Variants in ZNF589 observed in about 807,000 individuals in gnomAD.
ZNF589 encodes KRAB-zinc finger protein SZF1-1.
Under a neutral mutation model 13.6 loss-of-function variants are expected in ZNF589, and 17 were observed. The observed-to-expected ratio is 1.25, with a 90% CI of 0.86 to 1.88. The LOEUF (loss-of-function observed/expected upper bound fraction) is 1.88. ZNF589 is among the 40% of genes most tolerant of loss of function. The pLI is 0.00. For synonymous variants in ZNF589, 148 were observed against 161.6 expected, an observed-to-expected ratio of 0.92 and a Z score of 0.64; for missense variants, 407 against 434.0, an observed-to-expected ratio of 0.94 and a Z score of 0.55.
At chr3:48,244,529 G>A (rs146559919) in intron 1 of ZNF589, among the ~76,000 whole-genome samples, 2 of 152,242 alleles carry the variant, frequency 1.3e-5, no homozygotes, top group African/African-American at 4.8e-5. Flanking sequence ...GGGCCAGGAT[G>A]ATGGTTTTCT....
At chr3:48,264,402 A>G (rs891305780) in intron 3 of ZNF589, among the ~76,000 whole-genome samples, 2 of 151,994 alleles carry the variant, frequency 1.3e-5, no homozygotes, top group Non-Finnish European at 2.9e-5. Flanking sequence ...GCGAGGTGGC[A>G]CGTGCCTGTA....
chr3:48,261,357 C>T (rs2033968474), intron 3 of ZNF589, among the ~76,000 whole-genome samples: 1 of 151,986 alleles, frequency 6.6e-6, no homozygotes, highest in Non-Finnish European at 1.5e-5. Flanking sequence ...GGAAACTGCT[C>T]CAGACAAGGG....
chr3:48,243,550 G>A (rs775104201), intron 1 of ZNF589, among the ~76,000 whole-genome samples: 5 of 151,976 alleles, frequency 3.3e-5, no homozygotes, highest in Admixed American at 1.3e-4. Context: ...GGTGACTCAC[G>A]TTTGTAATCA....
intron 2 of ZNF589, among the ~76,000 whole-genome samples, chr3:48,248,013 T>C (rs2033789725): frequency 1.3e-5 from 2 of 152,348 alleles, no homozygotes; most frequent in South Asian, 4.1e-4. Context: ...ACTTTAATAG[T>C]ATCTAATAGT....
chr3:48,261,567 A>G (rs78025507), intron 3 of ZNF589, among the ~76,000 whole-genome samples: 1,710 of 152,366 alleles, frequency 0.011, 34 homozygotes, highest in African/African-American at 0.039. Flanking sequence ...GATATCATAC[A>G]TCATGTTTTT....
chr3:48,257,894 C>G, intron 2 of ZNF589: 1 of 426,856 alleles, frequency 2.3e-6, no homozygotes, highest in Non-Finnish European at 4.6e-6. Flanking sequence ...GTTTTCGGTT[C>G]TCTTCTATTG....
Position 48,268,240 on chromosome 3 carries a change from A to T in ZNF589, c.549A>T (p.Arg183Ser). 1 of 1,605,994 alleles carries T rather than the reference A, an allele frequency of 6.2e-7. No individual in the cohort carries two copies. Among genetic ancestry groups the T allele is most frequent in the South Asian group, 1.1e-5 (1 of 89,734 alleles). ...RPPISSWGGN[R>S]ILEIQLSPAQ... The stretch of plus-strand genomic sequence containing the variant: ...CAATAAGCTCTTGGGGAGGCAACAG[A>T]ATATTAGAGATACAGCTCAGTCCAG... Residue 183 changes from arginine to serine, a missense_variant, in exon 4 of 4, where the codon AGA (arginine) becomes AGT (serine). Coordinates refer to ENST00000354698, the MANE Select transcript of ZNF589 (RefSeq NM_016089.3).
chr3:48,262,481 G>T (rs1042433875), intron 3 of ZNF589, among the ~76,000 whole-genome samples: 13 of 152,150 alleles, frequency 8.5e-5, no homozygotes, highest in African/African-American at 3.1e-4. Context: ...ATGAGCCACT[G>T]TGCCCGGCTT....
At chr3:48,267,846 C>CT in intron 3 of ZNF589, 69 bp from the exon 4 acceptor site, 1 of 1,473,084 alleles carries the variant, frequency 6.8e-7, no homozygotes, top group Non-Finnish European at 9.1e-7. Flanking sequence ...TGGGCCAGGT[C>CT]TTATCATAAA....
At chr3:48,243,609 C>T (rs918980554) in intron 1 of ZNF589, among the ~76,000 whole-genome samples, 1 of 150,950 alleles carries the variant, frequency 6.6e-6, no homozygotes, top group African/African-American at 2.4e-5. Context: ...GTCAGGAGTT[C>T]GAGACCAGCC....
chr3:48,249,615 CT>C (rs1169471359), intron 2 of ZNF589, among the ~76,000 whole-genome samples: 1 of 152,094 alleles, frequency 6.6e-6, no homozygotes, highest in African/African-American at 2.4e-5. Flanking sequence ...ACATAGCTTC[CT>C]TTTTTTGATG....
rs761612073 is a variant in ZNF589 at position 48,268,537 on chromosome 3, G to T, written c.846G>T (p.Gly282=). 1.3e-5 allele frequency: 21 copies of T among 1,613,872 alleles called. No individual in the cohort carries two copies. In the African/African-American group the frequency reaches 2.4e-4, roughly 18 times the overall value. ...AGCCTTATGTCTGCGGAGAGTGTGG[G>T]CGAGGCTTTATAGTTGAGTCAGTCC... ...GEKPYVCGEC[G]RGFIVESVLR... Residue 282 remains glycine, a synonymous_variant, in exon 4 of 4, where the codon GGG becomes GGT. Coordinates refer to ENST00000354698, the MANE Select transcript of ZNF589 (RefSeq NM_016089.3).
At chr3:48,265,531 A>G (rs2034011029) in intron 3 of ZNF589, among the ~76,000 whole-genome samples, 1 of 151,552 alleles carries the variant, frequency 6.6e-6, no homozygotes, top group Non-Finnish European at 1.5e-5. Context: ...AGGTGATCCC[A>G]CCCTCATTGT....
chr3:48,260,923 G>A lies in ZNF589; in HGVS notation c.207G>A (p.Arg69=), dbSNP rs1559982491. Residue 69 remains arginine, a synonymous_variant, in exon 3 of 4, where the codon AGG becomes AGA. Coordinates refer to ENST00000354698, the MANE Select transcript of ZNF589 (RefSeq NM_016089.3). ...LYKEVMLENL[R]NLVSLAESKP... ...AAGAAGTGATGCTGGAAAATCTCAGGAATCTGGTCTCATTGGGTAAGGACA... is the reference window on the plus strand; with the variant it reads ...AAGAAGTGATGCTGGAAAATCTCAGAAATCTGGTCTCATTGGGTAAGGACA... The A allele has an allele frequency of 3.1e-6, 5 of 1,614,088 alleles. No individual in the cohort carries two copies. The highest frequency in any genetic ancestry group is 4.2e-6 in the Non-Finnish European group (5 of 1,180,006).
intron 2 of ZNF589, among the ~76,000 whole-genome samples, chr3:48,251,275 T>A (rs1044798332): frequency 1.3e-5 from 2 of 152,060 alleles, no homozygotes; most frequent in African/African-American, 4.8e-5. Context: ...CACGCAACTG[T>A]AGTTCCAGCT....
chr3:48,265,271 CTTTTTTTTTT>C (rs35060812), intron 3 of ZNF589, among the ~76,000 whole-genome samples: 3 of 47,838 alleles, frequency 6.3e-5, no homozygotes, highest in South Asian at 8.8e-4. Flanking sequence ...TGTGCCCGGC[CTTTTTTTTTT>C]TTTTTTTTTT....
intron 1 of ZNF589, 53 bp from the exon 2 acceptor site, chr3:48,247,572 C>T (rs1225976249): frequency 6.2e-7 from 1 of 1,605,822 alleles, no homozygotes; most frequent in Non-Finnish European, 8.5e-7. Flanking sequence ...TGGGGATCCT[C>T]ATGATGGGCC....
intron 3 of ZNF589, among the ~76,000 whole-genome samples, chr3:48,264,808 A>G (rs1331802616): frequency 6.6e-6 from 1 of 151,912 alleles, no homozygotes; most frequent in Admixed American, 6.6e-5. Context: ...CAGCCTGGGC[A>G]ACAGAGACTC....
rs185095897 is a variant in ZNF589, at chr3:48,241,692, G to C, written c.43+478G>C. 3.0e-3 allele frequency among the ~76,000 whole-genome samples: 454 copies of C among 152,130 alleles called. 2 individuals are homozygous for C. Among genetic ancestry groups the C allele is most frequent in the Non-Finnish European group, 5.1e-3 (344 of 67,990 alleles). On this transcript the variant is annotated intron_variant, in intron 1 of 3. Coordinates refer to ENST00000354698, the MANE Select transcript of ZNF589 (RefSeq NM_016089.3). ...ATTACAGGCGCCCTCCACCACGCCT[G>C]GCTAATTTTTGTATTTTTAGTAGAG...
Sources: gnomAD v4.1 joint callset for allele counts (sites outside exome capture counted in the v4.1 genomes callset) on GRCh38, gnomAD v4.1.1 for gene constraint, MANE v1.5 for transcripts, NCBI Gene and HGNC (gene_info 2026-07-23, HGNC 2026-07-21) for gene names.